Variants in ZFHX2 observed in about 807,000 individuals in gnomAD.
The protein encoded by ZFHX2 is zinc finger homeobox 2.
In ZFHX2, 75 loss-of-function variants were observed where a neutral mutation model predicts 164.8. That is an observed-to-expected ratio of 0.46 (90% CI 0.38 to 0.55). The LOEUF is 0.55. Ranked by LOEUF, ZFHX2 falls within the 20% of genes least tolerant of loss-of-function variation. ZFHX2 has a pLI of 0.00. For missense variants in ZFHX2, 2,933 were observed against 3,308.0 expected, an observed-to-expected ratio of 0.89 and a Z score of 2.78; for synonymous variants, 1,217 against 1,351.4, an observed-to-expected ratio of 0.90 and a Z score of 2.18.
intron 1 of ZFHX2, chr14:23,542,144 T>C (rs987340470): frequency 6.6e-6 from 1 of 152,294 alleles, no homozygotes; most frequent in African/African-American, 2.4e-5. Flanking sequence ...TTTGCATATA[T>C]TGAATCTTTT....
intron 4 of ZFHX2, chr14:23,530,428 G>T (rs1879390239): frequency 2.9e-6 from 2 of 682,580 alleles, no homozygotes; most frequent in Non-Finnish European, 5.4e-6. Context: ...TAAGAGTCCA[G>T]TTCCTGTCCT....
chr14:23,530,052 G>T, intron 5 of ZFHX2, 68 bp downstream of exon 5: 4 of 1,393,868 alleles, frequency 2.9e-6, no homozygotes, highest in Non-Finnish European at 3.9e-6. Flanking sequence ...TGGGCTCCTG[G>T]ATTACTGCAA....
chr14:23,533,517 C>T lies in ZFHX2; in HGVS notation c.1809G>A (p.Gly603=), dbSNP rs1193394415. 1 of 1,536,068 alleles carries T rather than the reference C, an allele frequency of 6.5e-7. No homozygotes were observed. The highest frequency in any genetic ancestry group is 8.7e-7 in the Non-Finnish European group (1 of 1,146,876). ...ATCCAGGTGGCAGGCCCAGCGGCAG[C>T]CCCTGGTGCAGCATTAGGACATTCT... The part of the protein sequence containing the change: ...HMQNVLMLHQ[G]LPLGLPPGLM... Residue 603 remains glycine (G), a synonymous_variant, in exon 2 of 10, where the codon GGG becomes GGA. Coordinates refer to ENST00000419474, the MANE Select transcript of ZFHX2 (RefSeq NM_033400.3). The surrounding 1 kb of genome is among the most constrained non-coding windows in gnomAD (Gnocchi z 4.8).
At chr14:23,549,881 A>G (rs1293619061) in intron 1 of ZFHX2, among the ~76,000 whole-genome samples, 1 of 152,154 alleles carries the variant, frequency 6.6e-6, no homozygotes, top group Non-Finnish European at 1.5e-5. Flanking sequence ...AAAATGCTGG[A>G]TAAGAGGAAA....
rs2138654214 is a variant in ZFHX2 at position 23,523,065 on chromosome 14, C to T, written c.6740-124G>A. The T allele has an allele frequency of 1.4e-6, 2 of 1,403,918 alleles. No individual in the cohort carries two copies. The highest frequency in any genetic ancestry group is 2.6e-5 in the East Asian group (1 of 38,400). 87.0% of individuals were successfully genotyped at this position (1,403,918 alleles called of 1,614,324 possible). ...CCGGATTTCCATGCCCCTTCCCTCCCTTCTTTCCCCCAAGAGCCTGATGCA... is the reference window on the plus strand; with the variant it reads ...CCGGATTTCCATGCCCCTTCCCTCCTTTCTTTCCCCCAAGAGCCTGATGCA... On this transcript the variant is annotated intron_variant, in intron 9 of 9. Transcript: ENST00000419474. The surrounding 1 kb of genome is among the most constrained non-coding windows in gnomAD (Gnocchi z 4.1).
At chr14:23,529,816 A>G in intron 5 of ZFHX2, 48 bp from the exon 6 acceptor site, 2 of 1,518,158 alleles carry the variant, frequency 1.3e-6, no homozygotes, top group East Asian at 2.5e-5. Context: ...AGCCCTCAAG[A>G]TGATTTGTAG....
rs223122 is a variant in ZFHX2 at position 23,521,896 on chromosome 14, G to A, written c.*66C>T. 0.73 allele frequency: 1,117,230 copies of A among 1,522,170 alleles called. 411,314 individuals carry two copies. The highest frequency in any genetic ancestry group is 0.83 in the South Asian group (68,031 of 81,638). 94.3% of individuals were successfully genotyped at this position (1,522,170 alleles called of 1,614,324 possible). On this transcript the variant is annotated 3_prime_UTR_variant, in exon 10 of 10. Transcript: ENST00000419474. ...GGGGTGAGGGATTTGAGCTCCCACCGAACACCCCTTGGGGTAAAAGAGGGA... is the reference window on the plus strand; with the variant it reads ...GGGGTGAGGGATTTGAGCTCCCACCAAACACCCCTTGGGGTAAAAGAGGGA...
chr14:23,533,255 A>T lies in ZFHX2; in HGVS notation c.2041+30T>A, dbSNP rs1595162260. Reference sequence around the variant, plus strand: ...GGAATAGAGTTTGGCCCTGGGGAGGAGAGAAGAGGGAAGAAGCACAGAAGC... The same window carrying T: ...GGAATAGAGTTTGGCCCTGGGGAGGTGAGAAGAGGGAAGAAGCACAGAAGC... On this transcript the variant is annotated intron_variant, in intron 2 of 9. Coordinates refer to ENST00000419474, the MANE Select transcript of ZFHX2 (RefSeq NM_033400.3). This position sits in a 1 kb window ranked among gnomAD's most constrained non-coding sequence, Gnocchi z 4.8. 2 of 1,105,264 alleles carry T rather than the reference A, an allele frequency of 1.8e-6. No individual in the cohort carries two copies. Among genetic ancestry groups the T allele is most frequent in the Non-Finnish European group, 2.4e-6 (2 of 834,542 alleles). 68.5% of individuals were successfully genotyped at this position (1,105,264 alleles called of 1,614,324 possible).
chr14:23,541,001 G>A (rs914428282), intron 1 of ZFHX2, among the ~76,000 whole-genome samples: 1 of 151,880 alleles, frequency 6.6e-6, no homozygotes, highest in Non-Finnish European at 1.5e-5. Context: ...CACCTCCCAG[G>A]TTCAAGTGAT....
At chr14:23,552,139 G>A (rs1162845948), upstream of ZFHX2, among the ~76,000 whole-genome samples, 1 of 151,910 alleles carries the variant, frequency 6.6e-6, no homozygotes, top group Non-Finnish European at 1.5e-5. Context: ...CGCGAAATTG[G>A]GTACTAGAAC....
At position 23,546,592 on chromosome 14, in the gene ZFHX2, T is replaced by C. The variant is rs1595191394; in HGVS notation, c.-50+4751A>G. ...CGGGGCTGGAAGTTACTTCTAAATC[T>C]TTCACCCCTGCCTTGCCAGCCTGGG... On this transcript the variant is annotated intron_variant, in intron 1 of 9. Transcript: ENST00000419474. The surrounding 1 kb of genome is among the most constrained non-coding windows in gnomAD (Gnocchi z 4.7). Among the ~76,000 whole-genome samples the C allele has an allele frequency of 6.6e-6, 1 of 151,878 alleles. No homozygotes were observed. The highest frequency in any genetic ancestry group is 1.5e-5 in the Non-Finnish European group (1 of 67,974).
At chr14:23,529,228 A>G (rs1879203599) in intron 6 of ZFHX2, among the ~76,000 whole-genome samples, 1 of 152,220 alleles carries the variant, frequency 6.6e-6, no homozygotes, top group Non-Finnish European at 1.5e-5. Context: ...TTTGTGGCAC[A>G]TGCTGTCAGT....
intron 1 of ZFHX2, among the ~76,000 whole-genome samples, chr14:23,549,274 C>G (rs938475442): frequency 6.6e-6 from 1 of 152,154 alleles, no homozygotes; most frequent in Non-Finnish European, 1.5e-5. Flanking sequence ...ACATCCCTCA[C>G]GTCATACATT....
At chr14:23,555,619 T>C (rs1420934718), upstream of ZFHX2, 1 of 152,022 alleles carries the variant, frequency 6.6e-6, no homozygotes, top group Non-Finnish European at 1.5e-5. Flanking sequence ...AGGTATTAGA[T>C]CCCCTCTAAA....
chr14:23,542,608 C>T (rs965156549), intron 1 of ZFHX2, among the ~76,000 whole-genome samples: 4 of 152,156 alleles, frequency 2.6e-5, no homozygotes, highest in South Asian at 2.1e-4. Flanking sequence ...TAGACAACCA[C>T]GAACCAGCTC....
chr14:23,536,552 T>C (rs1015447355), intron 1 of ZFHX2, among the ~76,000 whole-genome samples: 1 of 152,174 alleles, frequency 6.6e-6, no homozygotes, highest in African/African-American at 2.4e-5. Context: ...GTAATAGTAA[T>C]AATATTACTA....
chr14:23,526,566 C>T lies in ZFHX2; in HGVS notation c.3376G>A (p.Ala1126Thr). 6.5e-7 allele frequency: 1 copy of T among 1,535,584 alleles called. No individual in the cohort carries two copies. Among genetic ancestry groups the T allele is most frequent in the South Asian group, 1.2e-5 (1 of 83,988 alleles). Residue 1126 changes from alanine (A) to threonine (T), a missense_variant, in exon 9 of 10, where the codon GCC (alanine) becomes ACC (threonine). Physicochemically the swap from Ala to Thr is moderately conservative, Grantham distance 58. Coordinates refer to ENST00000419474, the MANE Select transcript of ZFHX2 (RefSeq NM_033400.3). ...TCAGGTTCAGGGACTGGAGATGGGGCTGGAGAAGGGGGTTGGCCAGGGCTT... is the reference window on the plus strand; with the variant it reads ...TCAGGTTCAGGGACTGGAGATGGGGTTGGAGAAGGGGGTTGGCCAGGGCTT... ...SGSPGQPPSPAPSPVPEPDAQ... is the reference protein window; with the variant it reads ...SGSPGQPPSPTPSPVPEPDAQ...
At chr14:23,542,337 G>A (rs748608799) in intron 1 of ZFHX2, 1 of 152,556 alleles carries the variant, frequency 6.6e-6, no homozygotes, top group Non-Finnish European at 1.5e-5. Context: ...GAGCAGACAG[G>A]AGGAGAAGGG....
chr14:23,528,808 G>T, intron 6 of ZFHX2: 1 of 985,384 alleles, frequency 1.0e-6, no homozygotes, highest in Non-Finnish European at 1.2e-6. Context: ...CCAGAGGGGT[G>T]AGGCTGCCAG....
Sources: gnomAD v4.1 joint callset for allele counts (sites outside exome capture counted in the v4.1 genomes callset) on GRCh38, gnomAD v4.1.1 for gene constraint, Gnocchi (gnomAD v3.1) non-coding constraint, MANE v1.5 for transcripts, NCBI Gene and HGNC (gene_info 2026-07-23, HGNC 2026-07-21) for gene names.